RMDN2: variants seen among roughly 807,000 people sequenced by gnomAD.
RMDN2 encodes regulator of microtubule dynamics 2, also known as regulator of microtubule dynamics protein 2.
RMDN2 carries 61 observed loss-of-function variants against 52.8 expected under a neutral mutation model. The ratio of observed to expected loss-of-function variants is 1.16; its 90% CI spans 0.94 to 1.43. RMDN2 has a LOEUF of 1.43. Ranked by LOEUF, RMDN2 falls within the 40% of genes most tolerant of loss-of-function variation. RMDN2 has a pLI of 0.00. For synonymous variants in RMDN2, 180 were observed against 153.1 expected (o/e 1.18, Z -1.30); for missense variants, 592 against 475.3 (o/e 1.25, Z -2.28).
intron 4 of RMDN2, among the ~76,000 whole-genome samples, chr2:37,976,071 G>A (rs1055727264): frequency 3.9e-5 from 6 of 152,152 alleles, no homozygotes; most frequent in African/African-American, 1.2e-4. Flanking sequence ...GAATAAACTC[G>A]CAGACTTTAA....
chr2:37,975,112 T>A (rs1672293070), intron 3 of RMDN2, 100 bp from the exon 4 acceptor site: 1 of 714,090 alleles, frequency 1.4e-6, no homozygotes, highest in East Asian at 2.6e-5. Flanking sequence ...TAAATACCAG[T>A]TTACCTGCCT....
At position 37,964,150 on chromosome 2, in the gene RMDN2, C is replaced by T. The variant is rs148662836; in HGVS notation, c.453-9890C>T. On this transcript the variant is annotated intron_variant, in intron 2 of 10. Transcript: ENST00000354545. ...CTCACTTCTCAGACGGGGCGCCTGC[C>T]GGGCGGAGGGGCTCCTCACTTCTCA... 8.8e-3 allele frequency among the ~76,000 whole-genome samples: 1,337 copies of T among 151,848 alleles called. 23 individuals are homozygous for T. Among genetic ancestry groups the T allele is most frequent in the African/African-American group, 0.03 (1,249 of 41,430 alleles).
intron 10 of RMDN2, among the ~76,000 whole-genome samples, chr2:38,052,039 TG>T (rs1194389251): frequency 2.6e-5 from 4 of 152,244 alleles, no homozygotes; most frequent in African/African-American, 7.2e-5. Flanking sequence ...TACCCAGTGG[TG>T]GGATTGCTGG....
chr2:38,064,357 G>A (rs62136339), intron 10 of RMDN2, among the ~76,000 whole-genome samples: 3,196 of 151,982 alleles, frequency 0.021, 47 homozygotes, highest in Non-Finnish European at 0.032. Context: ...AGACATGGTG[G>A]TGTATGCCTG....
At chr2:37,921,542 T>A (rs1666031938), upstream of RMDN2, among the ~76,000 whole-genome samples, 1 of 152,224 alleles carries the variant, frequency 6.6e-6, no homozygotes, top group Non-Finnish European at 1.5e-5. Flanking sequence ...ATTTGAGAAT[T>A]CAGTTTCTCC....
chr2:37,951,036 G>A (rs1057146520), intron 2 of RMDN2, among the ~76,000 whole-genome samples: 8 of 151,920 alleles, frequency 5.3e-5, no homozygotes, highest in East Asian at 1.9e-4. Flanking sequence ...TTAGACTCCC[G>A]CATTCTTTTG....
chr2:38,008,518 G>A (rs986788713), intron 10 of RMDN2, among the ~76,000 whole-genome samples: 3 of 152,004 alleles, frequency 2.0e-5, no homozygotes, highest in African/African-American at 7.3e-5. Context: ...CTCAGAGACT[G>A]GGATTGCAAC....
chr2:38,037,955 G>A (rs1680695995), intron 10 of RMDN2, among the ~76,000 whole-genome samples: 1 of 152,134 alleles, frequency 6.6e-6, no homozygotes, highest in South Asian at 2.1e-4. Context: ...ATAAACATGT[G>A]ATTCTCTCGA....
intron 2 of RMDN2, among the ~76,000 whole-genome samples, chr2:37,960,085 G>T (rs1466633334): frequency 3.9e-5 from 6 of 152,182 alleles, no homozygotes; most frequent in African/African-American, 1.4e-4. Context: ...TTTTGAATAT[G>T]TGCTATGTGG....
At chr2:37,946,181 T>C (rs1015524758) in intron 2 of RMDN2, among the ~76,000 whole-genome samples, 1 of 152,236 alleles carries the variant, frequency 6.6e-6, no homozygotes, top group Non-Finnish European at 1.5e-5. Context: ...AACAATTTTT[T>C]CTTTCTTACA....
intron 10 of RMDN2, among the ~76,000 whole-genome samples, chr2:38,023,912 C>T (rs188136095): frequency 2.8e-4 from 42 of 152,306 alleles, no homozygotes; most frequent in Admixed American, 2.2e-3. Flanking sequence ...TCAAATGTTT[C>T]TTCATGCCCC....
At chr2:37,976,274 C>T (rs1672453199) in intron 4 of RMDN2, 1 of 152,156 alleles carries the variant, frequency 6.6e-6, no homozygotes, top group African/African-American at 2.4e-5. Flanking sequence ...TATTTTTATA[C>T]CTCACCTTGA....
chr2:38,043,796 T>C (rs1681107656), intron 10 of RMDN2, among the ~76,000 whole-genome samples: 1 of 152,110 alleles, frequency 6.6e-6, no homozygotes, highest in Non-Finnish European at 1.5e-5. Flanking sequence ...CTCCTTCTTA[T>C]CCTTTTTAAC....
At chr2:37,987,208 CTATT>C (rs985499641) in intron 5 of RMDN2, among the ~76,000 whole-genome samples, 2 of 152,040 alleles carry the variant, frequency 1.3e-5, no homozygotes, top group African/African-American at 2.4e-5. Context: ...AAACATAACA[CTATT>C]TACATTAGCA....
Position 38,002,700 on chromosome 2 carries a change from C to T in RMDN2, c.1045-1291C>T, listed in dbSNP as rs150992580. 2.6e-4 allele frequency among the ~76,000 whole-genome samples: 39 copies of T among 152,266 alleles called. No individual in the cohort carries two copies. In the East Asian group the frequency reaches 6.9e-3, roughly 27 times the overall value. Reference sequence around the variant, plus strand: ...AGAGTCTGGTAGGTTACATGTCAAACGGCTGATAGTGGTTACCTCTGTGGC... The same window carrying T: ...AGAGTCTGGTAGGTTACATGTCAAATGGCTGATAGTGGTTACCTCTGTGGC... On this transcript the variant is annotated intron_variant, in intron 8 of 10. Transcript: ENST00000354545.
chr2:38,008,718 T>C (rs1241344435), intron 10 of RMDN2, among the ~76,000 whole-genome samples: 3 of 152,202 alleles, frequency 2.0e-5, no homozygotes, highest in Admixed American at 1.3e-4. Context: ...AAAGTTAATA[T>C]TGTTATGTGT....
At chr2:37,995,563 C>A (rs1235006048) in intron 7 of RMDN2, among the ~76,000 whole-genome samples, 3 of 152,084 alleles carry the variant, frequency 2.0e-5, no homozygotes, top group Non-Finnish European at 2.9e-5. Context: ...TTTCACCCAC[C>A]CCTTTTAGTA....
chr2:37,991,240 C>G lies in RMDN2; in HGVS notation c.888C>G (p.Ile296Met). 1.3e-6 allele frequency: 2 copies of G among 1,588,492 alleles called. No individual in the cohort carries two copies. Among genetic ancestry groups the G allele is most frequent in the Non-Finnish European group, 1.7e-6 (2 of 1,165,674 alleles). The change falls in exon 7 of 11, where the codon ATC becomes ATG. Residue 296 changes from isoleucine (I) to methionine (M), a missense_variant. Coordinates refer to ENST00000354545, the MANE Select transcript of RMDN2 (RefSeq NM_001170791.3). ...HLFKEHLDIA[I>M]KLLPEEPFLY... ...TTCAGGAACATCTAGATATAGCAAT[C>G]AAACTTTTACCAGAGGAACCCTTTC...
intron 10 of RMDN2, among the ~76,000 whole-genome samples, chr2:38,059,676 G>A (rs184533739): frequency 4.6e-4 from 70 of 152,288 alleles, no homozygotes; most frequent in African/African-American, 1.7e-3. Context: ...GGCTTCATTA[G>A]AGAGATGAGA....
Sources: gnomAD v4.1 joint callset for allele counts (sites outside exome capture counted in the v4.1 genomes callset) on GRCh38, gnomAD v4.1.1 for gene constraint, MANE v1.5 for transcripts, NCBI Gene and HGNC (gene_info 2026-07-23, HGNC 2026-07-21) for gene names.